The following KLHL8 variants were observed in gnomAD, a reference collection of about 807,000 sequenced individuals.
KLHL8 encodes the protein kelch like family member 8, also known as kelch-like protein 8.
A neutral mutation model predicts 63.5 loss-of-function variants in KLHL8; 38 were observed. That is an observed-to-expected ratio of 0.60 (90% CI 0.46 to 0.78). KLHL8 has a LOEUF of 0.78. KLHL8 is among the 30% of genes least tolerant of loss of function. KLHL8 has a pLI of 0.00. For missense variants in KLHL8, 566 were observed against 752.4 expected (o/e 0.75, Z 2.90); for synonymous variants, 224 against 254.3 (o/e 0.88, Z 1.13).
At chr4:87,179,622 T>G (rs1354457369) in intron 4 of KLHL8, among the ~76,000 whole-genome samples, 2 of 150,970 alleles carry the variant, frequency 1.3e-5, no homozygotes, top group African/African-American at 4.9e-5. Flanking sequence ...CAAAAAAAAT[T>G]TAAAATTAGC....
intron 1 of KLHL8, among the ~76,000 whole-genome samples, chr4:87,227,000 A>G (rs1240765387): frequency 2.1e-5 from 2 of 94,528 alleles, no homozygotes; most frequent in Non-Finnish European, 4.2e-5. Context: ...TATAAATAAT[A>G]TATATTATAT....
chr4:87,168,112 C>T (rs1730475913), intron 8 of KLHL8, among the ~76,000 whole-genome samples: 1 of 152,130 alleles, frequency 6.6e-6, no homozygotes, highest in Admixed American at 6.6e-5. Flanking sequence ...TAGTTTGATG[C>T]CTGCTGTTAC....
chr4:87,178,646 A>G (rs772654904), intron 4 of KLHL8, 26 bp from the exon 5 acceptor site: 1 of 1,494,458 alleles, frequency 6.7e-7, no homozygotes, highest in Admixed American at 2.6e-5. Flanking sequence ...CAAAATAGAG[A>G]TAAATCATAG....
At chr4:87,208,150 T>C in intron 1 of KLHL8, 1 of 401,108 alleles carries the variant, frequency 2.5e-6, no homozygotes, top group Non-Finnish European at 4.8e-6. Flanking sequence ...TCGTCACTGC[T>C]GGGGAGTCCC....
intron 5 of KLHL8, 141 bp downstream of exon 5, chr4:87,178,336 T>A (rs1730909101): frequency 4.6e-6 from 4 of 871,018 alleles, no homozygotes; most frequent in Non-Finnish European, 6.7e-6. Context: ...ACAAAGCAAG[T>A]AAATTATCAC....
At chr4:87,172,208 G>T (rs530431876) in intron 6 of KLHL8, among the ~76,000 whole-genome samples, 1 of 152,154 alleles carries the variant, frequency 6.6e-6, no homozygotes, top group Non-Finnish European at 1.5e-5. Flanking sequence ...TTGAAGGTGG[G>T]GGGGAACATG....
At chr4:87,221,477 G>A (rs1475867120), upstream of KLHL8, 3 of 151,082 alleles carry the variant, frequency 2.0e-5, no homozygotes, top group Non-Finnish European at 4.4e-5. Context: ...CAATAAAGTG[G>A]AATGTGTGAG....
chr4:87,197,079 G>A (rs953098695), intron 1 of KLHL8, among the ~76,000 whole-genome samples: 1 of 152,178 alleles, frequency 6.6e-6, no homozygotes, highest in African/African-American at 2.4e-5. Context: ...AATGGTTAAT[G>A]TAAGGTTATA....
intron 2 of KLHL8, among the ~76,000 whole-genome samples, chr4:87,186,396 T>A (rs1163669199): frequency 6.6e-6 from 1 of 152,036 alleles, no homozygotes; most frequent in Non-Finnish European, 1.5e-5. Context: ...CATGATTTTC[T>A]ATGTTATATT....
Position 87,229,441 on chromosome 4 carries a change from G to C in KLHL8, n.58-8051C>G, listed in dbSNP as rs1273837284. Reference sequence around the variant, plus strand: ...TTCCTTTTTTTTTTTTTTTTGGTGGGGGGGGGTGCAGGGAACAGGGTCTCA... The same window carrying C: ...TTCCTTTTTTTTTTTTTTTTGGTGGCGGGGGGTGCAGGGAACAGGGTCTCA... On this transcript the variant is annotated intron_variant and non_coding_transcript_variant, in intron 1 of 1. Coordinates refer to the KLHL8 transcript ENST00000506274. 3.9e-3 allele frequency among the ~76,000 whole-genome samples: 579 copies of C among 150,222 alleles called. 5 individuals are homozygous for C. The highest frequency in any genetic ancestry group is 0.013 in the African/African-American group (532 of 40,834).
chr4:87,179,422 T>C (rs1377922902), intron 4 of KLHL8, among the ~76,000 whole-genome samples: 2 of 152,166 alleles, frequency 1.3e-5, no homozygotes, highest in Non-Finnish European at 2.9e-5. Flanking sequence ...TAGCCTTCCA[T>C]TACCTACACC....
At chr4:87,237,198 G>A (rs1733247280) in intron 1 of KLHL8, among the ~76,000 whole-genome samples, 1 of 152,106 alleles carries the variant, frequency 6.6e-6, no homozygotes, top group Non-Finnish European at 1.5e-5. Flanking sequence ...CCAACTGTCT[G>A]CTGGGGAAGA....
chr4:87,217,425 C>T (rs1040947933), intron 1 of KLHL8, among the ~76,000 whole-genome samples: 1 of 152,010 alleles, frequency 6.6e-6, no homozygotes, highest in South Asian at 2.1e-4. Context: ...CCTTGACCTC[C>T]CTGGACTCAG....
intron 1 of KLHL8, among the ~76,000 whole-genome samples, chr4:87,195,932 G>A (rs934644650): frequency 6.6e-6 from 1 of 152,028 alleles, no homozygotes; most frequent in Non-Finnish European, 1.5e-5. Flanking sequence ...TTTGAGATGT[G>A]TAATATGCTA....
chr4:87,208,080 C>T, intron 1 of KLHL8: 11 of 569,538 alleles, frequency 1.9e-5, no homozygotes, highest in South Asian at 1.6e-4. Flanking sequence ...CCCACATGGC[C>T]TCCAAAAGGA....
At position 87,217,647 on chromosome 4, in the gene KLHL8, C is replaced by CTT. The variant is rs1216494811; in HGVS notation, c.-152+2769_-152+2770dup. Among the ~76,000 whole-genome samples the CTT allele has an allele frequency of 4.5e-3, 583 of 128,362 alleles. 7 individuals carry two copies. The highest frequency in any genetic ancestry group is 0.015 in the African/African-American group (524 of 34,944). 84.2% of individuals were successfully genotyped at this position (128,362 alleles called of 152,430 possible). A position where few individuals can be genotyped will look rare whatever the true frequency, so the allele number is the denominator to read the frequency against. On this transcript the variant is annotated intron_variant, in intron 1 of 9. Transcript: ENST00000273963. ...AAGCATGAGCCACCGAGCCTGGCCT[C>CTT]TTTTTTTTTTTTTTTTTTGGAATAT...
intron 2 of KLHL8, among the ~76,000 whole-genome samples, chr4:87,193,069 A>AT (rs778869615): frequency 2.0e-5 from 3 of 152,068 alleles, no homozygotes; most frequent in Non-Finnish European, 2.9e-5. Context: ...GCTACACTAA[A>AT]TTAAAAAAAA....
At chr4:87,209,662 T>C (rs753328448) in intron 1 of KLHL8, among the ~76,000 whole-genome samples, 14 of 152,208 alleles carry the variant, frequency 9.2e-5, no homozygotes, top group Non-Finnish European at 1.8e-4. Context: ...TTATAATTTC[T>C]ATCACATTTA....
At chr4:87,214,874 C>T (rs907674969) in intron 1 of KLHL8, among the ~76,000 whole-genome samples, 13 of 152,132 alleles carry the variant, frequency 8.5e-5, no homozygotes, top group Admixed American at 5.2e-4. Flanking sequence ...TCTCAGCTCA[C>T]TGCAGCCTCC....
Sources: allele counts gnomAD v4.1 joint callset (sites outside exome capture counted in the v4.1 genomes callset), GRCh38; gene constraint gnomAD v4.1.1; transcripts MANE v1.5; gene names NCBI Gene and HGNC (gene_info 2026-07-23, HGNC 2026-07-21).